KCNH2: variants seen among roughly 807,000 people sequenced by gnomAD.
KCNH2 encodes the protein potassium voltage-gated channel subfamily H member 2.
KCNH2 carries 35 observed loss-of-function variants against 95.9 expected under a neutral mutation model. The observed-to-expected ratio is 0.37, with a 90% confidence interval of 0.28 to 0.48. The LOEUF (loss-of-function observed/expected upper bound fraction) is 0.48. Among genes scored for constraint, KCNH2 ranks in the 20% least tolerant of loss-of-function variants. KCNH2 has a pLI of 0.99. For missense variants in KCNH2, 1,274 were observed against 1,702.9 expected, an observed-to-expected ratio of 0.75 and a Z score of 4.43; for synonymous variants, 786 against 754.7, an observed-to-expected ratio of 1.04 and a Z score of -0.68.
intron 2 of KCNH2, among the ~76,000 whole-genome samples, chr7:150,968,192 G>T (rs1234863013): frequency 6.6e-6 from 1 of 152,224 alleles, no homozygotes; most frequent in African/African-American, 2.4e-5. Context: ...GTGATGACAG[G>T]CATGGCAGTA....
At position 150,947,053 on chromosome 7, in the gene KCNH2, G is replaced by T; in HGVS notation, c.3154C>A (p.Leu1052Met). ...ATGTCTGCACTCAGCCGGGTCTCCA[G>T]CCTGGGGCAGGAAGTGGGGGATGCT... ...LDALQRQLNR[L>M]ETRLSADMAT... is the part of the protein sequence containing the mutation. The change falls in exon 14 of 15, where the codon CTG becomes ATG. Residue 1052 changes from leucine to methionine, a missense_variant and splice_region_variant. By Grantham distance (15) the Leu-to-Met change is conservative. This residue lies in a region of KCNH2 where 457 missense variants were observed against 416.1 expected (regional missense o/e 1.10). Coordinates refer to ENST00000262186, the MANE Select transcript of KCNH2 (RefSeq NM_000238.4). 1 of 1,582,016 alleles carries T rather than the reference G, an allele frequency of 6.3e-7. No homozygotes were observed.
intron 2 of KCNH2, among the ~76,000 whole-genome samples, chr7:150,963,927 C>T (rs7784691): frequency 0.02 from 3,035 of 152,304 alleles, 92 homozygotes; most frequent in African/African-American, 0.068. Context: ...TCCATCACTT[C>T]TCAGAACACA....
intron 2 of KCNH2, 54 bp downstream of exon 2, chr7:150,974,657 C>T: frequency 3.3e-6 from 2 of 608,246 alleles, no homozygotes; most frequent in Non-Finnish European, 5.7e-6. Flanking sequence ...TCGCCGTGGT[C>T]CCGCCCCTCT....
chr7:150,950,801 T>G (rs1282910586), intron 8 of KCNH2, 120 bp downstream of exon 8: 2 of 1,070,070 alleles, frequency 1.9e-6, no homozygotes, highest in African/African-American at 1.6e-5. Flanking sequence ...GCAACGTGCC[T>G]CCAGGGTCCT....
In KCNH2 at chr7:150,977,878, G is replaced by T; in HGVS notation, c.36C>A (p.Asn12Lys). 1 of 1,606,328 alleles carries T rather than the reference G, an allele frequency of 6.2e-7. No individual in the cohort carries two copies. The highest frequency in any genetic ancestry group is 8.5e-7 in the Non-Finnish European group (1 of 1,177,708). The change falls in exon 1 of 15, where the codon AAC becomes AAA. Residue 12 changes from asparagine to lysine, a missense_variant. Around this residue, in one of 7 missense-constraint regions of KCNH2, gnomAD observed 29 missense variants for 25.2 expected, o/e 1.15. Transcript: ENST00000262186. The part of the protein sequence containing the change: ...PVRRGHVAPQ[N>K]TFLDTIIRKF... The stretch of plus-strand genomic sequence containing the variant: ...TGCGGATGATGGTGTCCAGGAAGGT[G>T]TTCTGCGGCGCGACGTGGCCCCTCC...
chr7:150,959,477 C>T, intron 3 of KCNH2, 95 bp downstream of exon 3: 1 of 1,452,762 alleles, frequency 6.9e-7, no homozygotes, highest in Non-Finnish European at 9.5e-7. Flanking sequence ...CCATTACATC[C>T]TCCCTTCCTG....
intron 8 of KCNH2, 93 bp downstream of exon 8, chr7:150,950,828 C>A: frequency 7.5e-7 from 1 of 1,341,364 alleles, no homozygotes; most frequent in Non-Finnish European, 1.1e-6. Context: ...TGACTGTGAC[C>A]GCCTGAGACT....
Position 150,977,960 on chromosome 7 carries a change from G to A in KCNH2, c.-47C>T, listed in dbSNP as rs1802020837. Reference sequence around the variant, plus strand: ...GGCGGGCCCCCACCCACCCCGGCCCGGCCCGGCCCAGCACTAGGCTTCGGG... The same window carrying A: ...GGCGGGCCCCCACCCACCCCGGCCCAGCCCGGCCCAGCACTAGGCTTCGGG... On this transcript the variant is annotated 5_prime_UTR_variant, in exon 1 of 15. Coordinates refer to ENST00000262186, the MANE Select transcript of KCNH2 (RefSeq NM_000238.4). 5 of 1,319,668 alleles carry A rather than the reference G, an allele frequency of 3.8e-6. No individual in the cohort carries two copies. The highest frequency in any genetic ancestry group is 1.5e-5 in the African/African-American group (1 of 64,848). 81.7% of individuals were successfully genotyped at this position (1,319,668 alleles called of 1,614,324 possible).
chr7:150,958,358 C>A lies in KCNH2; in HGVS notation c.617G>T (p.Ser206Ile), dbSNP rs1262399406. Residue 206 changes from serine (S) to isoleucine (I), a missense_variant, in exon 4 of 15, where the codon AGC becomes ATC. Transcript: ENST00000262186. The stretch of plus-strand genomic sequence containing the variant: ...TTCGTCCAGGGCCAGCGACTCGCTG[C>A]TGGGTGCCGCGGGCGTCAGGTCCAC... The part of the protein sequence containing the change: ...VDVDLTPAAP[S>I]SESLALDEVT... 1.5e-5 allele frequency: 22 copies of A among 1,485,332 alleles called. No individual in the cohort carries two copies. The highest frequency in any genetic ancestry group is 1.8e-5 in the Non-Finnish European group (20 of 1,125,304). 92.0% of individuals were successfully genotyped at this position (1,485,332 alleles called of 1,614,324 possible). A position where few individuals can be genotyped will look rare whatever the true frequency, so the allele number is the denominator to read the frequency against.
chr7:150,964,660 G>C (rs987048926), intron 2 of KCNH2, among the ~76,000 whole-genome samples: 1 of 152,230 alleles, frequency 6.6e-6, no homozygotes, highest in Admixed American at 6.5e-5. Flanking sequence ...CAGGGAAGGT[G>C]ACCTCAGGGA....
At chr7:150,948,134 C>T (rs1563148737) in intron 11 of KCNH2, among the ~76,000 whole-genome samples, 1 of 152,238 alleles carries the variant, frequency 6.6e-6, no homozygotes, top group Non-Finnish European at 1.5e-5. Flanking sequence ...TCAGCCCCAT[C>T]GTTGGCTCCC....
At chr7:150,948,351 G>T (rs1278929736) in intron 11 of KCNH2, 93 bp downstream of exon 11, 9 of 1,021,908 alleles carry the variant, frequency 8.8e-6, no homozygotes, top group African/African-American at 1.6e-5. Flanking sequence ...GAAGGTCTGA[G>T]GCCTGGGTAA....
chr7:150,966,395 AC>A (rs1429256910), intron 2 of KCNH2, among the ~76,000 whole-genome samples: 1 of 31,432 alleles, frequency 3.2e-5, no homozygotes, highest in Non-Finnish European at 5.7e-5. Flanking sequence ...CCCCCCCCAC[AC>A]ACACACACAC....
chr7:150,954,148 G>A (rs1449880412), intron 5 of KCNH2, among the ~76,000 whole-genome samples: 1 of 152,188 alleles, frequency 6.6e-6, no homozygotes, highest in African/African-American at 2.4e-5. Context: ...GGCAGGGAGG[G>A]AACACATGGA....
Position 150,945,140 on chromosome 7 carries a change from TG to T in KCNH2, c.*224del, listed in dbSNP as rs1300801408. The T allele has an allele frequency of 1.2e-5, 7 of 588,542 alleles. No homozygotes were observed. Among genetic ancestry groups the T allele is most frequent in the Non-Finnish European group, 2.1e-5 (7 of 335,362 alleles). 36.5% of individuals were successfully genotyped at this position (588,542 alleles called of 1,614,324 possible). ...AGACCAGCTAATGCCCTCAGGGCAG[TG>T]GGGGGACCACAGGCCCCACCTACTG... On this transcript the variant is annotated 3_prime_UTR_variant, in exon 15 of 15. Transcript: ENST00000262186. The surrounding 1 kb of genome is among the most constrained non-coding windows in gnomAD (Gnocchi z 5.6).
At chr7:150,959,846 C>T (rs1008839877) in intron 2 of KCNH2, 110 bp from the exon 3 acceptor site, 68 of 1,212,886 alleles carry the variant, frequency 5.6e-5, no homozygotes, top group Middle Eastern at 2.2e-4. Flanking sequence ...TCTGCCTCCC[C>T]GTATGGCCCT....
chr7:150,945,280 G>T lies in KCNH2; in HGVS notation c.*85C>A. On this transcript the variant is annotated 3_prime_UTR_variant, in exon 15 of 15. Coordinates refer to ENST00000262186, the MANE Select transcript of KCNH2 (RefSeq NM_000238.4). The surrounding 1 kb of genome is among the most constrained non-coding windows in gnomAD (Gnocchi z 5.6). ...GTTCCTCTCCCCTTCCACGGTCAGGGCCTCCTGAGCAGGGCCTCCAAGGGG... is the reference window on the plus strand; with the variant it reads ...GTTCCTCTCCCCTTCCACGGTCAGGTCCTCCTGAGCAGGGCCTCCAAGGGG... 7.0e-7 allele frequency: 1 copy of T among 1,429,374 alleles called. No individual in the cohort carries two copies. The highest frequency in any genetic ancestry group is 9.5e-7 in the Non-Finnish European group (1 of 1,056,802). 88.5% of individuals were successfully genotyped at this position (1,429,374 alleles called of 1,614,324 possible). A position where few individuals can be genotyped will look rare whatever the true frequency, so the allele number is the denominator to read the frequency against.
At chr7:150,974,643 C>T in intron 2 of KCNH2, 68 bp downstream of exon 2, 2 of 1,059,684 alleles carry the variant, frequency 1.9e-6, no homozygotes, top group Non-Finnish European at 1.4e-6. Flanking sequence ...ACGCACCCTG[C>T]CCCTCGCCGT....
Position 150,962,637 on chromosome 7 carries a change from G to C in KCNH2, c.308-2901C>G, listed in dbSNP as rs992799848. ...CACACACACGAGAGACAGAGAGAGA[G>C]AGAGAGAGAGAGAGAGGAGTGACTG... On this transcript the variant is annotated intron_variant, in intron 2 of 14. Coordinates refer to ENST00000262186, the MANE Select transcript of KCNH2 (RefSeq NM_000238.4). The surrounding 1 kb of genome is among the most constrained non-coding windows in gnomAD (Gnocchi z 5.7). 1.3e-5 allele frequency among the ~76,000 whole-genome samples: 2 copies of C among 151,930 alleles called. No individual in the cohort carries two copies. The highest frequency in any genetic ancestry group is 2.9e-5 in the Non-Finnish European group (2 of 67,988).
Sources: allele counts gnomAD v4.1 joint callset (sites outside exome capture counted in the v4.1 genomes callset), GRCh38; gene constraint gnomAD v4.1.1; regional missense constraint gnomAD v4.1.1; non-coding constraint Gnocchi (gnomAD v3.1); transcripts MANE v1.5; gene names NCBI Gene and HGNC (gene_info 2026-07-23, HGNC 2026-07-21).